UNC79: variants seen among roughly 807,000 people sequenced by gnomAD.
UNC79 encodes the protein protein unc-79 homolog.
In UNC79, 37 loss-of-function variants were observed where a neutral mutation model predicts 283.1. The observed-to-expected ratio is 0.13, with a 90% confidence interval of 0.10 to 0.17. The LOEUF (loss-of-function observed/expected upper bound fraction) is 0.17, where lower values mean the gene tolerates loss of function less well. Ranked by LOEUF, UNC79 falls within the 10% of genes least tolerant of loss-of-function variation. The pLI is 1.00. For synonymous variants in UNC79, 1,107 were observed against 1,200.2 expected (o/e 0.92, Z 1.61); for missense variants, 2,272 against 3,211.1 (o/e 0.71, Z 7.07).
intron 31 of UNC79, among the ~76,000 whole-genome samples, chr14:93,635,381 T>C (rs1028224245): frequency 6.6e-6 from 1 of 152,194 alleles, no homozygotes; most frequent in Non-Finnish European, 1.5e-5. Flanking sequence ...GAAAACACCT[T>C]GCAACATGCA....
chr14:93,428,706 G>T (rs1184970726), upstream of UNC79, among the ~76,000 whole-genome samples: 2 of 152,192 alleles, frequency 1.3e-5, no homozygotes, highest in Non-Finnish European at 2.9e-5. Flanking sequence ...AATGCTAATA[G>T]CAGCCATCAC....
chr14:93,456,163 T>TAGTTGCTA (rs1357142237), intron 1 of UNC79, among the ~76,000 whole-genome samples: 1 of 152,118 alleles, frequency 6.6e-6, no homozygotes, highest in Non-Finnish European at 1.5e-5. Flanking sequence ...GTGCAGGTGA[T>TAGTTGCTA]AGTTGCTAAT....
chr14:93,617,243 G>T lies in UNC79; in HGVS notation c.4163G>T (p.Trp1388Leu). Residue 1388 changes from tryptophan to leucine, a missense_variant, in exon 28 of 49, where the codon TGG (tryptophan) becomes TTG (leucine). This residue lies in a region of UNC79 where 128 missense variants were observed against 230.3 expected (regional missense o/e 0.56). Transcript: ENST00000555664. This position sits in a 1 kb window ranked among gnomAD's most constrained non-coding sequence, Gnocchi z 4.5. ...CAACAGCCGCCTCGTTGCTCCCTCT[G>T]GTCCCTAAAGCCTCACATCCGGCAG... The T allele has an allele frequency of 6.2e-7, 1 of 1,614,152 alleles. No homozygotes were observed. The highest frequency in any genetic ancestry group is 8.5e-7 in the Non-Finnish European group (1 of 1,180,022).
Position 93,621,818 on chromosome 14 carries a change from G to C in UNC79, c.4585G>C (p.Glu1529Gln). Residue 1529 changes from glutamate (E) to glutamine (Q), a missense_variant, in exon 30 of 49, where the codon GAG becomes CAG. Transcript: ENST00000555664. This position sits in a 1 kb window ranked among gnomAD's most constrained non-coding sequence, Gnocchi z 4.8. ...GTCGTGCATAGATCGGTGTGACATA[G>C]AGAAGCCTCCGACCCAAGCTGCGTA... 1 of 1,613,922 alleles carries C rather than the reference G, an allele frequency of 6.2e-7. No homozygotes were observed. Among genetic ancestry groups the C allele is most frequent in the South Asian group, 1.1e-5 (1 of 91,026 alleles).
chr14:93,399,729 C>G (rs997898474), intron 1 of UNC79, among the ~76,000 whole-genome samples: 4 of 152,042 alleles, frequency 2.6e-5, no homozygotes. Flanking sequence ...GTCATGGAAC[C>G]AAAATTCACC....
intron 1 of UNC79, among the ~76,000 whole-genome samples, chr14:93,358,746 C>T (rs551325649): frequency 1.2e-4 from 18 of 152,328 alleles, no homozygotes; most frequent in African/African-American, 4.1e-4. Context: ...ATCAGCCTTT[C>T]CACCTTTGTC....
At chr14:93,629,506 T>G (rs1427541126) in intron 30 of UNC79, among the ~76,000 whole-genome samples, 1 of 152,196 alleles carries the variant, frequency 6.6e-6, no homozygotes, top group African/African-American at 2.4e-5. Context: ...TTGGGAAACT[T>G]TACAAGAGTT....
chr14:93,361,211 C>CAAAAAAA (rs58267219), intron 1 of UNC79, among the ~76,000 whole-genome samples: 3 of 54,384 alleles, frequency 5.5e-5, no homozygotes, highest in African/African-American at 1.5e-4. Context: ...GACTCTGTCT[C>CAAAAAAA]AAAAAAAAAA....
rs1351911306 is a variant in UNC79 at position 93,665,105 on chromosome 14, A to G, written c.6636+2391A>G. ...TGACTATACTTTAAATGATATGCAT[A>G]TGAAGAATGTATATATAAATATTAT... On this transcript the variant is annotated intron_variant, in intron 40 of 48. Transcript: ENST00000555664. Among the ~76,000 whole-genome samples, 12 of 150,974 alleles carry G rather than the reference A, an allele frequency of 7.9e-5. No homozygotes were observed. The East Asian group carries it at 2.1e-3, about 27-fold the overall frequency.
At chr14:93,523,457 T>C (rs1435155015) in intron 7 of UNC79, among the ~76,000 whole-genome samples, 1 of 152,200 alleles carries the variant, frequency 6.6e-6, no homozygotes, top group African/African-American at 2.4e-5. Flanking sequence ...TTCATTTCAG[T>C]TGTTATCAAT....
chr14:93,525,730 C>T (rs548105382), intron 8 of UNC79, among the ~76,000 whole-genome samples: 4 of 152,162 alleles, frequency 2.6e-5, no homozygotes, highest in Non-Finnish European at 5.9e-5. Flanking sequence ...GTCACCCAGA[C>T]ATCAACATGA....
chr14:93,467,664 T>TTTTTTTTTTTTGA lies in UNC79; in HGVS notation c.23-7_23-6insTTTTTTTTTTTGA. ...TTTTTTTTTTTTTTTTTTTTGCTTT[T>TTTTTTTTTTTTGA]ATCTAGTTGCTTCCAAGATCCGGTA... On this transcript the variant is annotated splice_region_variant and splice_polypyrimidine_tract_variant and intron_variant, in intron 1 of 48. Coordinates refer to ENST00000555664, the Ensembl canonical transcript of UNC79. The TTTTTTTTTTTTGA allele has an allele frequency of 8.2e-7, 1 of 1,224,142 alleles. No individual in the cohort carries two copies. 75.8% of individuals were successfully genotyped at this position (1,224,142 alleles called of 1,614,324 possible).
At position 93,531,742 on chromosome 14, in the gene UNC79, A is replaced by G. The variant is rs2060831425; in HGVS notation, c.1094-808A>G. On this transcript the variant is annotated intron_variant, in intron 10 of 48. Transcript: ENST00000555664. The surrounding 1 kb of genome is among the most constrained non-coding windows in gnomAD (Gnocchi z 4.2). ...GTGATGCTGTAAATATATCACATTAACCCAGTGTCATAGTATAATGGGAAG... is the reference window on the plus strand; with the variant it reads ...GTGATGCTGTAAATATATCACATTAGCCCAGTGTCATAGTATAATGGGAAG... 6.6e-6 allele frequency among the ~76,000 whole-genome samples: 1 copy of G among 152,316 alleles called. No individual in the cohort carries two copies. The highest frequency in any genetic ancestry group is 1.9e-4 in the East Asian group (1 of 5,184).
At chr14:93,524,088 A>G in intron 8 of UNC79, 46 bp downstream of exon 8, 1 of 1,602,852 alleles carries the variant, frequency 6.2e-7, no homozygotes, top group Non-Finnish European at 8.5e-7. Context: ...GTCAGTGGTC[A>G]AATTGCTGAA....
intron 47 of UNC79, among the ~76,000 whole-genome samples, chr14:93,700,671 A>C (rs974811975): frequency 2.6e-5 from 4 of 152,196 alleles, no homozygotes; most frequent in African/African-American, 9.7e-5. Flanking sequence ...ATAACTTACA[A>C]ATATCTTTAT....
intron 7 of UNC79, among the ~76,000 whole-genome samples, chr14:93,501,427 C>T (rs528497590): frequency 2.0e-5 from 3 of 151,720 alleles, no homozygotes; most frequent in South Asian, 2.1e-4. Flanking sequence ...CAGTGGCTCA[C>T]GCCTGTAATC....
intron 41 of UNC79, among the ~76,000 whole-genome samples, chr14:93,675,361 C>G (rs1221691707): frequency 6.6e-6 from 1 of 152,110 alleles, no homozygotes; most frequent in East Asian, 1.9e-4. Context: ...CTGACATGGG[C>G]CAGGTGCTCT....
At chr14:93,427,142 A>G (rs763697015), upstream of UNC79, among the ~76,000 whole-genome samples, 2 of 152,172 alleles carry the variant, frequency 1.3e-5, no homozygotes, top group Non-Finnish European at 2.9e-5. Context: ...GATCAGCTAG[A>G]TATTTGGGCA....
intron 40 of UNC79, among the ~76,000 whole-genome samples, chr14:93,670,121 C>G (rs2140581386): frequency 6.6e-6 from 1 of 152,296 alleles, no homozygotes; most frequent in South Asian, 2.1e-4. Context: ...TGGAAAAACT[C>G]AAACTCAAGC....
Sources: gnomAD v4.1 joint callset for allele counts (sites outside exome capture counted in the v4.1 genomes callset) on GRCh38, gnomAD v4.1.1 for gene constraint, gnomAD v4.1.1 regional missense constraint, Gnocchi (gnomAD v3.1) non-coding constraint, MANE v1.5 for transcripts, NCBI Gene and HGNC (gene_info 2026-07-23, HGNC 2026-07-21) for gene names.